CYTH1: variants seen among roughly 807,000 people sequenced by gnomAD.
The protein encoded by CYTH1 is cytohesin-1.
A neutral mutation model predicts 61.8 loss-of-function variants in CYTH1; 18 were observed. That is an observed-to-expected ratio of 0.29 (90% confidence interval 0.20 to 0.43). The LOEUF (loss-of-function observed/expected upper bound fraction) is 0.43, where lower values mean the gene tolerates loss of function less well. Ranked by LOEUF, CYTH1 falls within the 20% of genes least tolerant of loss-of-function variation. The pLI, the probability that CYTH1 is intolerant of heterozygous loss-of-function variation, is 1.00. For missense variants in CYTH1, 336 were observed against 510.5 expected (o/e 0.66, Z 3.29); for synonymous variants, 174 against 184.3 (o/e 0.94, Z 0.45).
At chr17:78,688,712 T>C (rs1313078380) in intron 11 of CYTH1, among the ~76,000 whole-genome samples, 1 of 152,238 alleles carries the variant, frequency 6.6e-6, no homozygotes, top group East Asian at 1.9e-4. Context: ...TTTTTTTCTT[T>C]TGAAAACTCC....
Position 78,702,217 on chromosome 17 carries a change from G to A in CYTH1, c.261C>T (p.Asn87=), listed in dbSNP as rs142308572. The change falls in exon 5 of 14, where the codon AAC becomes AAT. Residue 87 remains asparagine, a synonymous_variant. Coordinates refer to ENST00000446868, the MANE Select transcript of CYTH1 (RefSeq NM_004762.6). ...CTTCACAAGTGTTCTTCAGGAGGTC[G>A]TTCTCTATTAAGAACTGGATCCCCT... ...PKKGIQFLIE[N]DLLKNTCEDI... is the part of the protein sequence containing the mutation. 1.9e-5 allele frequency: 30 copies of A among 1,613,862 alleles called. No individual in the cohort carries two copies. Among genetic ancestry groups the A allele is most frequent in the Middle Eastern group, 1.6e-4 (1 of 6,082 alleles).
intron 3 of CYTH1, among the ~76,000 whole-genome samples, chr17:78,705,578 G>A (rs1048081411): frequency 2.6e-5 from 4 of 152,004 alleles, no homozygotes; most frequent in Non-Finnish European, 4.4e-5. Context: ...GCATCAGATC[G>A]TCGATGAGAA....
At chr17:78,677,941 G>A (rs113667813) in intron 13 of CYTH1, 5,017 of 152,368 alleles carry the variant, frequency 0.033, 129 homozygotes, top group Middle Eastern at 0.071. Flanking sequence ...GTGGGGTTTT[G>A]GACAACTTAC....
intron 1 of CYTH1, among the ~76,000 whole-genome samples, chr17:78,720,557 G>C (rs1228003662): frequency 6.6e-6 from 1 of 152,212 alleles, no homozygotes; most frequent in African/African-American, 2.4e-5. Flanking sequence ...GACCTCAGGT[G>C]ATCAGCCTGC....
intron 3 of CYTH1, among the ~76,000 whole-genome samples, chr17:78,704,558 T>TC (rs1391283320): frequency 6.6e-6 from 1 of 152,192 alleles, no homozygotes; most frequent in Non-Finnish European, 1.5e-5. Context: ...TCTTGCTCTG[T>TC]CACCCAGGCT....
chr17:78,731,589 C>G (rs1419623910), intron 1 of CYTH1, among the ~76,000 whole-genome samples: 6 of 152,026 alleles, frequency 3.9e-5, no homozygotes, highest in African/African-American at 1.4e-4. Context: ...GAAACCCCGT[C>G]TCTACTAAAA....
intron 1 of CYTH1, among the ~76,000 whole-genome samples, chr17:78,750,076 T>C (rs1387010058): frequency 1.3e-5 from 2 of 151,994 alleles, no homozygotes; most frequent in Middle Eastern, 3.2e-3. Flanking sequence ...GAACATGAGA[T>C]ATGGGTGCAC....
At chr17:78,779,400 C>CA (rs56061178) in intron 1 of CYTH1, among the ~76,000 whole-genome samples, 245 of 84,088 alleles carry the variant, frequency 2.9e-3, no homozygotes, top group Middle Eastern at 6.8e-3. Flanking sequence ...AACTCCATCT[C>CA]AAAAAAAAAA....
chr17:78,739,782 G>A (rs539209983), intron 1 of CYTH1, among the ~76,000 whole-genome samples: 17 of 152,226 alleles, frequency 1.1e-4, no homozygotes, highest in Admixed American at 3.9e-4. Context: ...ACGGGTTGGC[G>A]GCTTACTTGA....
chr17:78,676,027 T>C lies in CYTH1; in HGVS notation c.*64A>G, dbSNP rs536603148. 2.0e-5 allele frequency: 32 copies of C among 1,562,028 alleles called. 1 individual carries two copies. The highest frequency in any genetic ancestry group is 8.1e-5 in the African/African-American group (6 of 74,236). ...GCTCTGCTCGGCAGCAGTGCATCCA[T>C]GGAGGTGCGGGAGAAGAGCAGGAGC... On this transcript the variant is annotated 3_prime_UTR_variant, in exon 14 of 14. Coordinates refer to ENST00000446868, the MANE Select transcript of CYTH1 (RefSeq NM_004762.6).
intron 2 of CYTH1, chr17:78,708,900 T>G (rs765484344): frequency 1.3e-5 from 2 of 152,356 alleles, no homozygotes; most frequent in Non-Finnish European, 2.9e-5. Context: ...TATACTTAAA[T>G]CAACTCCAGA....
chr17:78,726,611 G>C (rs1421974467), intron 1 of CYTH1, among the ~76,000 whole-genome samples: 1 of 152,160 alleles, frequency 6.6e-6, no homozygotes, highest in South Asian at 2.1e-4. Context: ...CCACGCGAGA[G>C]CCTGGGAGAG....
intron 1 of CYTH1, among the ~76,000 whole-genome samples, chr17:78,732,484 T>C (rs2093300007): frequency 6.6e-6 from 1 of 152,246 alleles, no homozygotes; most frequent in Non-Finnish European, 1.5e-5. Context: ...CATTCATCTC[T>C]GGTGTACTCA....
intron 1 of CYTH1, among the ~76,000 whole-genome samples, chr17:78,756,278 G>A (rs2144691598): frequency 6.6e-6 from 1 of 151,980 alleles, no homozygotes; most frequent in African/African-American, 2.4e-5. Flanking sequence ...GTTTCACCAT[G>A]TTGGCCAGGC....
At chr17:78,676,256 C>G in intron 13 of CYTH1, 87 bp from the exon 14 acceptor site, 1 of 1,346,610 alleles carries the variant, frequency 7.4e-7, no homozygotes, top group Non-Finnish European at 1.0e-6. Flanking sequence ...AGGGGCCCCT[C>G]GTGCCCCAGA....
intron 9 of CYTH1, 147 bp from the exon 10 acceptor site, chr17:78,696,156 G>A: frequency 1.7e-6 from 2 of 1,199,734 alleles, no homozygotes; most frequent in Non-Finnish European, 2.2e-6. Flanking sequence ...CCTGGGGAGA[G>A]AGCTGAACTA....
intron 1 of CYTH1, among the ~76,000 whole-genome samples, chr17:78,732,525 T>C (rs1167367019): frequency 6.6e-6 from 1 of 152,146 alleles, no homozygotes; most frequent in African/African-American, 2.4e-5. Context: ...CAAACCAGAG[T>C]GAATCCTCTT....
At chr17:78,762,141 G>C (rs2093431459) in intron 1 of CYTH1, among the ~76,000 whole-genome samples, 1 of 152,098 alleles carries the variant, frequency 6.6e-6, no homozygotes, top group African/African-American at 2.4e-5. Context: ...TCCATTACCT[G>C]ACAACAGGAA....
At chr17:78,706,448 T>A (rs976084651) in intron 3 of CYTH1, among the ~76,000 whole-genome samples, 1 of 152,220 alleles carries the variant, frequency 6.6e-6, no homozygotes, top group Non-Finnish European at 1.5e-5. Flanking sequence ...GTGAGATTCA[T>A]CCGTGCTGCT....
Sources: allele counts gnomAD v4.1 joint callset (sites outside exome capture counted in the v4.1 genomes callset), GRCh38; gene constraint gnomAD v4.1.1; transcripts MANE v1.5; gene names NCBI Gene and HGNC (gene_info 2026-07-23, HGNC 2026-07-21).